ADCY9: variants seen among roughly 807,000 people sequenced by gnomAD.
ADCY9 encodes adenylate cyclase 9.
Under a neutral mutation model 101.5 loss-of-function variants are expected in ADCY9, and 50 were observed. The ratio of observed to expected loss-of-function variants is 0.49; its 90% CI spans 0.39 to 0.62. The LOEUF is 0.62. Among genes scored for constraint, ADCY9 ranks in the 20% least tolerant of loss-of-function variants. The pLI, the probability that ADCY9 is intolerant of heterozygous loss-of-function variation, is 0.00. For synonymous variants in ADCY9, 905 were observed against 769.3 expected, an observed-to-expected ratio of 1.18 and a Z score of -2.92; for missense variants, 1,662 against 1,800.4, an observed-to-expected ratio of 0.92 and a Z score of 1.39.
intron 2 of ADCY9, among the ~76,000 whole-genome samples, chr16:4,011,615 G>A (rs7200397): frequency 0.39 from 59,010 of 152,062 alleles, 11,919 homozygotes; most frequent in East Asian, 0.48. Context: ...CTCGGAGTCG[G>A]GTCCAGGTCC....
intron 2 of ADCY9, among the ~76,000 whole-genome samples, chr16:4,067,287 C>T (rs2056806422): frequency 6.6e-6 from 1 of 152,174 alleles, no homozygotes; most frequent in African/African-American, 2.4e-5. Context: ...AATCGTTAAA[C>T]AGATTGAAAT....
At position 4,017,995 on chromosome 16, in the gene ADCY9, C is replaced by T. The variant is rs371998987; in HGVS notation, c.1694-10437G>A. Among the ~76,000 whole-genome samples, 43 of 152,310 alleles carry T rather than the reference C, an allele frequency of 2.8e-4. 3 individuals carry two copies. Among genetic ancestry groups the T allele is most frequent in the African/African-American group, 9.9e-4 (41 of 41,574 alleles). Reference sequence around the variant, plus strand: ...ACGCTTGGCCACAGAAACGCAGAAGCGGCCACTGTCCTTGCCTGGAACACA... The same window carrying T: ...ACGCTTGGCCACAGAAACGCAGAAGTGGCCACTGTCCTTGCCTGGAACACA... On this transcript the variant is annotated intron_variant, in intron 2 of 10. Transcript: ENST00000294016.
chr16:4,059,385 AAAAAAAAAAG>A (rs1218368163), intron 2 of ADCY9, among the ~76,000 whole-genome samples: 14 of 151,540 alleles, frequency 9.2e-5, no homozygotes, highest in Middle Eastern at 3.4e-3. Context: ...CATCGAAAAA[AAAAAAAAAAG>A]AAAAAAAAAG....
At chr16:4,067,929 T>A (rs115664083) in intron 2 of ADCY9, among the ~76,000 whole-genome samples, 2 of 152,154 alleles carry the variant, frequency 1.3e-5, no homozygotes, top group African/African-American at 4.8e-5. Context: ...AACTGCAACA[T>A]AGAATTTAAT....
chr16:4,013,879 T>G (rs2141728331), intron 2 of ADCY9, among the ~76,000 whole-genome samples: 1 of 152,356 alleles, frequency 6.6e-6, no homozygotes, highest in South Asian at 2.1e-4. Flanking sequence ...ATTAAAATGC[T>G]CTCCGGAGGG....
rs1041197324 is a variant in ADCY9 at position 4,114,228 on chromosome 16, C to G, written c.1215G>C (p.Lys405Asn). 1.2e-5 allele frequency: 20 copies of G among 1,613,988 alleles called. No individual in the cohort carries two copies. The highest frequency in any genetic ancestry group is 1.6e-5 in the Non-Finnish European group (19 of 1,180,036). Residue 405 changes from lysine to asparagine, a missense_variant, in exon 2 of 11, where the codon AAG becomes AAC. Physicochemically the swap from Lys to Asn is moderately conservative, Grantham distance 94. Around this residue, in one of 5 missense-constraint regions of ADCY9, gnomAD observed 228 missense variants for 301.1 expected, o/e 0.76. Coordinates refer to ENST00000294016, the MANE Select transcript of ADCY9 (RefSeq NM_001116.4). This position sits in a 1 kb window ranked among gnomAD's most constrained non-coding sequence, Gnocchi z 4.3. ...CGTGGGCAGACTTGTTGGCACTCAT[C>G]TTGGTGAAGCCCACGATATCTGCAA... ...ILFADIVGFT[K>N]MSANKSAHAL...
intron 2 of ADCY9, among the ~76,000 whole-genome samples, chr16:4,102,878 C>T (rs916670045): frequency 3.3e-5 from 5 of 151,678 alleles, no homozygotes; most frequent in Admixed American, 1.3e-4. Flanking sequence ...CCCACCACCA[C>T]GCCTGGCTAA....
intron 2 of ADCY9, among the ~76,000 whole-genome samples, chr16:4,093,604 A>AGGCCGGGCGCGGTGGCTC (rs2056986295): frequency 6.6e-6 from 1 of 152,122 alleles, no homozygotes; most frequent in African/African-American, 2.4e-5. Context: ...AAAAAATACA[A>AGGCCGGGCGCGGTGGCTC]AAATTAGTCA....
chr16:4,011,422 G>A (rs752430624), intron 2 of ADCY9, among the ~76,000 whole-genome samples: 10 of 152,206 alleles, frequency 6.6e-5, no homozygotes, highest in South Asian at 2.1e-4. Flanking sequence ...GGCATGAGGC[G>A]TAGGACAAGC....
intron 3 of ADCY9, among the ~76,000 whole-genome samples, chr16:4,003,805 C>T (rs951435206): frequency 6.6e-6 from 1 of 152,010 alleles, no homozygotes; most frequent in African/African-American, 2.4e-5. Flanking sequence ...CGCCGTGGTC[C>T]GCCTCCCCTC....
chr16:4,008,582 T>C (rs951489823), intron 2 of ADCY9, among the ~76,000 whole-genome samples: 1 of 151,908 alleles, frequency 6.6e-6, no homozygotes, highest in Non-Finnish European at 1.5e-5. Flanking sequence ...TTTTTTTTTT[T>C]TTTAATTGAG....
At chr16:4,036,469 T>TTTG (rs1360895371) in intron 2 of ADCY9, among the ~76,000 whole-genome samples, 4 of 138,444 alleles carry the variant, frequency 2.9e-5, no homozygotes, top group African/African-American at 1.0e-4. Flanking sequence ...TTTGTTTTTT[T>TTTG]TTTTTTTTTT....
chr16:4,009,920 G>A (rs1228363381), intron 2 of ADCY9, among the ~76,000 whole-genome samples: 1 of 152,214 alleles, frequency 6.6e-6, no homozygotes, highest in Non-Finnish European at 1.5e-5. Context: ...CATGACTCCT[G>A]AGTGTGGCCC....
intron 2 of ADCY9, among the ~76,000 whole-genome samples, chr16:4,044,237 C>T (rs1026931542): frequency 7.2e-5 from 11 of 152,148 alleles, no homozygotes; most frequent in Admixed American, 1.3e-4. Context: ...ATCCCAGCTA[C>T]TCCGGAGGCT....
At chr16:4,019,876 GA>G (rs1431143239) in intron 2 of ADCY9, among the ~76,000 whole-genome samples, 2 of 152,166 alleles carry the variant, frequency 1.3e-5, no homozygotes, top group Non-Finnish European at 2.9e-5. Flanking sequence ...TCAAGAGTTT[GA>G]GACCAGCCTG....
chr16:4,044,420 C>A lies in ADCY9; in HGVS notation c.1694-36862G>T, dbSNP rs1233652189. ...GGTTTATGAAGTAAATAATAAAATT[C>A]TGTGATAGGACGGAGCCATTTTCTT... On this transcript the variant is annotated intron_variant, in intron 2 of 10. Transcript: ENST00000294016. Among the ~76,000 whole-genome samples, 5 of 152,112 alleles carry A rather than the reference C, an allele frequency of 3.3e-5. No individual in the cohort carries two copies. In the East Asian group the frequency reaches 9.7e-4, roughly 29 times the overall value.
chr16:4,024,560 G>A (rs187610142), intron 2 of ADCY9, among the ~76,000 whole-genome samples: 30 of 151,984 alleles, frequency 2.0e-4, no homozygotes, highest in African/African-American at 5.3e-4. Flanking sequence ...GATCCCACGC[G>A]GCTGGCTGGC....
intron 2 of ADCY9, among the ~76,000 whole-genome samples, chr16:4,050,345 C>T (rs2056692973): frequency 6.6e-6 from 1 of 152,156 alleles, no homozygotes; most frequent in Non-Finnish European, 1.5e-5. Context: ...ATACAAAGAA[C>T]TACAAACGCA....
At chr16:4,019,776 C>T (rs1159202114) in intron 2 of ADCY9, among the ~76,000 whole-genome samples, 2 of 152,142 alleles carry the variant, frequency 1.3e-5, no homozygotes, top group Admixed American at 6.6e-5. Context: ...CAGCTGAGTA[C>T]TTAGAGAAGA....
Sources: allele counts gnomAD v4.1 joint callset (sites outside exome capture counted in the v4.1 genomes callset), GRCh38; gene constraint gnomAD v4.1.1; regional missense constraint gnomAD v4.1.1; non-coding constraint Gnocchi (gnomAD v3.1); transcripts MANE v1.5; gene names NCBI Gene and HGNC (gene_info 2026-07-23, HGNC 2026-07-21).